Variants in ZNF391 observed in about 807,000 individuals in gnomAD.
ZNF391 encodes the protein zinc finger protein 391.
For missense variants in ZNF391, 375 were observed against 425.5 expected (o/e 0.88, Z 1.04); for synonymous variants, 126 against 142.1 (o/e 0.89, Z 0.80).
chr6:27,399,619 A>G (rs1017543035), intron 2 of ZNF391, 69 bp downstream of exon 2: 1 of 152,152 alleles, frequency 6.6e-6, no homozygotes, highest in African/African-American at 2.4e-5. Context: ...AGCCCTTGCA[A>G]TTTGTTGGGT....
chr6:27,386,017 T>C (rs1374601383), upstream of ZNF391, among the ~76,000 whole-genome samples: 1 of 152,110 alleles, frequency 6.6e-6, no homozygotes, highest in Non-Finnish European at 1.5e-5. Flanking sequence ...AGCAATACAC[T>C]TCTAAATAAT....
upstream of ZNF391, among the ~76,000 whole-genome samples, chr6:27,386,672 A>G (rs1032291580): frequency 2.0e-5 from 3 of 152,206 alleles, no homozygotes; most frequent in South Asian, 6.2e-4. Context: ...AGTATTTTCA[A>G]CAAATGGTGC....
At chr6:27,386,140 G>A (rs2113643036), upstream of ZNF391, among the ~76,000 whole-genome samples, 2 of 152,106 alleles carry the variant, frequency 1.3e-5, no homozygotes, top group South Asian at 4.1e-4. Context: ...GTGCTTAGGG[G>A]GAATTTATGG....
rs1761931611 is a variant in ZNF391, at chr6:27,400,693, C to G, written c.323C>G (p.Pro108Arg). Reference protein sequence around the residue: ...KHQRLFSQRKPCKCNECEKAF... With the variant: ...KHQRLFSQRKRCKCNECEKAF... ...CAAAGACTTTTCTCACAAAGAAAAC[C>G]TTGTAAATGCAATGAATGTGAAAAA... is the stretch of plus-strand genomic sequence containing the variant. The change falls in exon 3 of 3, where the codon CCT becomes CGT. Residue 108 changes from proline to arginine, a missense_variant. Coordinates refer to ENST00000244576, the MANE Select transcript of ZNF391 (RefSeq NM_001076781.3). 6.2e-7 allele frequency: 1 copy of G among 1,613,834 alleles called. No homozygotes were observed.
chr6:27,401,222 A>C lies in ZNF391; in HGVS notation c.852A>C (p.Lys284Asn). ...ENPYECSECGKVFSRSSSLTE... is the reference protein window; with the variant it reads ...ENPYECSECGNVFSRSSSLTE... ...CCTATGAGTGCAGTGAATGTGGGAA[A>C]GTGTTCAGTCGAAGCTCGTCTCTTA... is the stretch of plus-strand genomic sequence containing the variant. Residue 284 changes from lysine to asparagine, a missense_variant, in exon 3 of 3, where the codon AAA (lysine) becomes AAC (asparagine). Coordinates refer to ENST00000244576, the MANE Select transcript of ZNF391 (RefSeq NM_001076781.3). The C allele has an allele frequency of 6.2e-7, 1 of 1,614,204 alleles. No homozygotes were observed. Among genetic ancestry groups the C allele is most frequent in the Non-Finnish European group, 8.5e-7 (1 of 1,180,022 alleles).
At chr6:27,399,278 A>G (rs947765354) in intron 1 of ZNF391, among the ~76,000 whole-genome samples, 164 bp from the exon 2 acceptor site, 1 of 152,074 alleles carries the variant, frequency 6.6e-6, no homozygotes, top group Admixed American at 6.6e-5. Flanking sequence ...TTGGCATCTA[A>G]TTTTAGTCCC....
chr6:27,384,463 CAAAAAAAA>C (rs149396774), upstream of ZNF391, among the ~76,000 whole-genome samples: 1 of 121,462 alleles, frequency 8.2e-6, no homozygotes, highest in Non-Finnish European at 1.6e-5. Context: ...GACTCTATCT[CAAAAAAAA>C]AAAAAAAAAA....
chr6:27,395,865 A>C (rs12664996), intron 1 of ZNF391, among the ~76,000 whole-genome samples: 62,248 of 152,010 alleles, frequency 0.41, 13,562 homozygotes, highest in South Asian at 0.56. Flanking sequence ...CTTCTCCAGA[A>C]TGGGATATAG....
At chr6:27,377,192 T>C (rs1761430942) in intron 1 of ZNF391, among the ~76,000 whole-genome samples, 1 of 152,052 alleles carries the variant, frequency 6.6e-6, no homozygotes, top group African/African-American at 2.4e-5. Context: ...AATTAGAAAA[T>C]CATTGTCAAA....
intron 1 of ZNF391, among the ~76,000 whole-genome samples, chr6:27,380,573 T>G (rs998659233): frequency 6.6e-6 from 1 of 152,248 alleles, no homozygotes; most frequent in South Asian, 2.1e-4. Context: ...TTGCCACTGC[T>G]GGCTCGGGCA....
At chr6:27,390,997 A>G (rs545902104) in intron 1 of ZNF391, 1 of 152,308 alleles carries the variant, frequency 6.6e-6, no homozygotes, top group South Asian at 2.1e-4. Context: ...TAAGGGGACT[A>G]GTGCCATAGT....
chr6:27,388,847 A>G lies in ZNF391; in HGVS notation c.-416A>G, dbSNP rs765452599. 5 of 448,394 alleles carry G rather than the reference A, an allele frequency of 1.1e-5. No individual in the cohort carries two copies. The highest frequency in any genetic ancestry group is 1.8e-5 in the Non-Finnish European group (4 of 224,844). 27.8% of individuals were successfully genotyped at this position (448,394 alleles called of 1,614,324 possible). On this transcript the variant is annotated 5_prime_UTR_variant, in exon 1 of 3. Transcript: ENST00000244576. ...AGACAATGACTGGTCCCGCATACCGAGCAGAGCATGATCAGCAGCAGTCTG... is the reference window on the plus strand; with the variant it reads ...AGACAATGACTGGTCCCGCATACCGGGCAGAGCATGATCAGCAGCAGTCTG...
rs887108040 is a variant in ZNF391 at position 27,403,889 on chromosome 6, G to T, written c.*2442G>T. On this transcript the variant is annotated 3_prime_UTR_variant, in exon 3 of 3. Transcript: ENST00000244576. ...AGTAAATGCTCAATAAATTCTAATTGTTATGATTCTAGTGATTCACATCTG... is the reference window on the plus strand; with the variant it reads ...AGTAAATGCTCAATAAATTCTAATTTTTATGATTCTAGTGATTCACATCTG... The T allele has an allele frequency of 2.2e-4, 33 of 152,232 alleles. No homozygotes were observed. The highest frequency in any genetic ancestry group is 7.9e-4 in the African/African-American group (33 of 41,554). The allele number at this position is 152,232 out of a possible 1,614,324, so 9.4% of individuals were successfully genotyped here. A position where few individuals can be genotyped will look rare whatever the true frequency, so the allele number is the denominator to read the frequency against.
rs1000220226 is a variant in ZNF391 at position 27,388,971 on chromosome 6, A to T, written c.-292A>T. ...TAATCCTTCCGACTTCCCCAAGCCC[A>T]GCGCACTCAGGTTCCGCTCCAAGTG... is the stretch of plus-strand genomic sequence containing the variant. On this transcript the variant is annotated 5_prime_UTR_variant, in exon 1 of 3. Transcript: ENST00000244576. 2 of 456,356 alleles carry T rather than the reference A, an allele frequency of 4.4e-6. No individual in the cohort carries two copies. Among genetic ancestry groups the T allele is most frequent in the African/African-American group, 4.0e-5 (2 of 50,052 alleles). 28.3% of individuals were successfully genotyped at this position (456,356 alleles called of 1,614,324 possible). A position where few individuals can be genotyped will look rare whatever the true frequency, so the allele number is the denominator to read the frequency against.
chr6:27,401,500 C>T lies in ZNF391; in HGVS notation c.*53C>T. The T allele has an allele frequency of 7.7e-7, 1 of 1,297,138 alleles. No homozygotes were observed. Among genetic ancestry groups the T allele is most frequent in the South Asian group, 1.4e-5 (1 of 70,860 alleles). The allele number at this position is 1,297,138 out of a possible 1,614,324, so 80.4% of individuals were successfully genotyped here. A position where few individuals can be genotyped will look rare whatever the true frequency, so the allele number is the denominator to read the frequency against. ...AAGAACACATATACCTAACCTCCCA[C>T]CACTGAAATATATATATTTCAAGTA... On this transcript the variant is annotated 3_prime_UTR_variant, in exon 3 of 3. Coordinates refer to ENST00000244576, the MANE Select transcript of ZNF391 (RefSeq NM_001076781.3).
intron 1 of ZNF391, 181 bp downstream of exon 1, chr6:27,389,256 C>G: frequency 2.2e-6 from 1 of 456,432 alleles, no homozygotes. Flanking sequence ...AGCCTAGTCC[C>G]TCTGCGGCAG....
chr6:27,401,138 A>C lies in ZNF391; in HGVS notation c.768A>C (p.Lys256Asn). Reference sequence around the variant, plus strand: ...CCTATGAATGCAGTAAATGTGGAAAAGCTTTCAGTTGGATCTCATCGCTTA... The same window carrying C: ...CCTATGAATGCAGTAAATGTGGAAACGCTTTCAGTTGGATCTCATCGCTTA... ...ENPYECSKCGKAFSWISSLTE... is the reference protein window; with the variant it reads ...ENPYECSKCGNAFSWISSLTE... Residue 256 changes from lysine (K) to asparagine (N), a missense_variant, in exon 3 of 3, where the codon AAA (lysine) becomes AAC (asparagine). Physicochemically the swap from Lys to Asn is moderately conservative, Grantham distance 94 (BLOSUM62 0). Transcript: ENST00000244576. 3.7e-6 allele frequency: 6 copies of C among 1,614,226 alleles called. No homozygotes were observed. Among genetic ancestry groups the C allele is most frequent in the Non-Finnish European group, 4.2e-6 (5 of 1,180,026 alleles).
In ZNF391 at chr6:27,401,427, CA is replaced by C; in HGVS notation, c.1058del (p.His353ProfsTer9). 6.2e-7 allele frequency: 1 copy of C among 1,607,486 alleles called. No homozygotes were observed. The highest frequency in any genetic ancestry group is 8.5e-7 in the Non-Finnish European group (1 of 1,178,570). On this transcript the variant is annotated frameshift_variant, in exon 3 of 3. Transcript: ENST00000244576. LOFTEE classifies it high-confidence loss of function. ...GAGTTCAACTCTGATCAGACATCAG[CA>C]CCTTCATACTAAAGAGTAATATCTG... The part of the protein sequence containing the change: ...CQSSTLIRHQ[H>X]LHTKE
rs773915934 is a variant in ZNF391 at position 27,401,015 on chromosome 6, TACTC to T, written c.647_650del (p.Thr216LysfsTer20). On this transcript the variant is annotated frameshift_variant, in exon 3 of 3. Transcript: ENST00000244576. LOFTEE classifies it low-confidence loss of function (END_TRUNC). ...ACCTTAGTCAGCATCAGCGAACTCA[TACTC>T]AAGAAAGGCCTTACAAATGTAATGA... is the stretch of plus-strand genomic sequence containing the variant. The T allele has an allele frequency of 3.7e-6, 6 of 1,614,212 alleles. No homozygotes were observed. The highest frequency in any genetic ancestry group is 5.1e-6 in the Non-Finnish European group (6 of 1,180,040).
Sources: gnomAD v4.1 joint callset for allele counts (sites outside exome capture counted in the v4.1 genomes callset) on GRCh38, gnomAD v4.1.1 for gene constraint, MANE v1.5 for transcripts, NCBI Gene and HGNC (gene_info 2026-07-23, HGNC 2026-07-21) for gene names.